Variants in HS6ST2 observed in about 807,000 individuals in gnomAD.
HS6ST2 encodes heparan sulfate 6-O-sulfotransferase 2.
In HS6ST2, 17 loss-of-function variants were observed where a neutral mutation model predicts 33.0. The ratio of observed to expected loss-of-function variants is 0.52; its 90% CI spans 0.35 to 0.77. The LOEUF (loss-of-function observed/expected upper bound fraction) is 0.77. Ranked by LOEUF, HS6ST2 falls within the 30% of genes least tolerant of loss-of-function variation. The pLI is 0.01. For missense variants in HS6ST2, 519 were observed against 551.7 expected (o/e 0.94, Z 0.59); for synonymous variants, 248 against 237.1 (o/e 1.05, Z -0.42).
chrX:132,948,489 T>C (rs1325080385), intron 2 of HS6ST2, among the ~76,000 whole-genome samples: 1 of 112,251 alleles, frequency 8.9e-6, no homozygotes, highest in African/African-American at 3.2e-5. Flanking sequence ...TATATTTGAA[T>C]ATTTATAATA....
At chrX:132,807,240 C>G (rs1258594137) in intron 2 of HS6ST2, among the ~76,000 whole-genome samples, 1 of 110,405 alleles carries the variant, frequency 9.1e-6, no homozygotes, top group Admixed American at 9.6e-5. Flanking sequence ...ATGTGAAATC[C>G]TGTCCCAGGA....
At chrX:132,726,613 T>C (rs1190269944) in intron 2 of HS6ST2, among the ~76,000 whole-genome samples, 1 of 112,296 alleles carries the variant, frequency 8.9e-6, no homozygotes, top group Non-Finnish European at 1.9e-5. Context: ...TTTCTGAACA[T>C]CTTCAGTCAC....
chrX:132,912,094 T>C (rs760278677), intron 2 of HS6ST2, among the ~76,000 whole-genome samples: 1 of 112,359 alleles, frequency 8.9e-6, no homozygotes, highest in African/African-American at 3.2e-5. Flanking sequence ...TCCTCTTGAG[T>C]CTCCTGACCC....
chrX:132,700,798 C>T (rs188871950), intron 3 of HS6ST2, among the ~76,000 whole-genome samples: 1 of 110,396 alleles, frequency 9.1e-6, no homozygotes, highest in East Asian at 2.9e-4. Flanking sequence ...AATATGGATC[C>T]CCAGTCTATA....
chrX:132,664,489 C>G (rs758791207), intron 4 of HS6ST2, among the ~76,000 whole-genome samples: 1 of 111,729 alleles, frequency 9.0e-6, no homozygotes, highest in Non-Finnish European at 1.9e-5. Context: ...CAGGTTAGAG[C>G]CGGTCTTACC....
chrX:132,899,667 G>A (rs1281451003), intron 2 of HS6ST2, among the ~76,000 whole-genome samples: 1 of 111,543 alleles, frequency 9.0e-6, no homozygotes, highest in Non-Finnish European at 1.9e-5. Flanking sequence ...AGGGTTCAAT[G>A]AAGTACCAAA....
intron 4 of HS6ST2, among the ~76,000 whole-genome samples, chrX:132,644,185 A>G (rs1226797394): frequency 9.4e-6 from 1 of 106,765 alleles, no homozygotes; most frequent in Non-Finnish European, 1.9e-5. Context: ...GAGAGAAAGG[A>G]CAGAAAGAGG....
chrX:132,958,626 T>A lies in HS6ST2; in HGVS notation c.-24A>T. On this transcript the variant is annotated 5_prime_UTR_variant, in exon 1 of 5. Transcript: ENST00000370833. ...ATTCCCCCCTTCAGGCAACTCAGGGTACTAAGGATCACGAGCGAGCTTGAA... is the reference window on the plus strand; with the variant it reads ...ATTCCCCCCTTCAGGCAACTCAGGGAACTAAGGATCACGAGCGAGCTTGAA... 1 of 1,129,440 alleles carries A rather than the reference T, an allele frequency of 8.9e-7. No homozygotes were observed. 93.1% of individuals were successfully genotyped at this position (1,129,440 alleles called of 1,213,427 possible). A position where few individuals can be genotyped will look rare whatever the true frequency, so the allele number is the denominator to read the frequency against.
intron 4 of HS6ST2, among the ~76,000 whole-genome samples, chrX:132,660,358 C>T (rs1298394335): frequency 3.6e-5 from 4 of 111,020 alleles, no homozygotes; most frequent in East Asian, 2.8e-4. Context: ...GGTAACCTTC[C>T]GAGGGCAATG....
intron 2 of HS6ST2, among the ~76,000 whole-genome samples, chrX:132,927,625 A>C (rs1012520223): frequency 9.0e-6 from 1 of 111,367 alleles, no homozygotes; most frequent in Non-Finnish European, 1.9e-5. Context: ...ACTGCATTGG[A>C]CCATACTTGC....
intron 2 of HS6ST2, among the ~76,000 whole-genome samples, chrX:132,869,626 A>C (rs1305553199): frequency 8.9e-6 from 1 of 112,248 alleles, no homozygotes; most frequent in Non-Finnish European, 1.9e-5. Context: ...GCAAATCAAT[A>C]AACGTAATCC....
chrX:132,653,374 G>A (rs1432781248), intron 4 of HS6ST2, among the ~76,000 whole-genome samples: 1 of 112,262 alleles, frequency 8.9e-6, no homozygotes, highest in Non-Finnish European at 1.9e-5. Context: ...CTTGGGAGAT[G>A]TGAATTACTT....
chrX:132,825,404 T>C (rs1288025348), intron 2 of HS6ST2, among the ~76,000 whole-genome samples: 1 of 111,602 alleles, frequency 9.0e-6, no homozygotes, highest in Admixed American at 9.5e-5. Context: ...AAATTCTCTG[T>C]CCTATGTTGA....
At chrX:132,920,192 C>T (rs768666811) in intron 2 of HS6ST2, among the ~76,000 whole-genome samples, 7 of 110,681 alleles carry the variant, frequency 6.3e-5, no homozygotes, top group Non-Finnish European at 1.1e-4. Flanking sequence ...GATAGGATGC[C>T]TTCCTCTTCT....
At chrX:132,846,694 G>A (rs1320005331) in intron 2 of HS6ST2, among the ~76,000 whole-genome samples, 2 of 110,793 alleles carry the variant, frequency 1.8e-5, no homozygotes, top group Admixed American at 1.9e-4. Flanking sequence ...CCTACCCCAT[G>A]CTCTTATGAG....
intron 2 of HS6ST2, among the ~76,000 whole-genome samples, chrX:132,832,026 A>G (rs1424442067): frequency 9.0e-6 from 1 of 111,721 alleles, no homozygotes; most frequent in African/African-American, 3.2e-5. Context: ...ACAAAGGATA[A>G]TAATAAATTA....
At chrX:132,779,817 A>C (rs1437696690) in intron 2 of HS6ST2, among the ~76,000 whole-genome samples, 1 of 110,918 alleles carries the variant, frequency 9.0e-6, no homozygotes, top group Non-Finnish European at 1.9e-5. Context: ...TACCCTTACT[A>C]TTGCCAGTTT....
intron 2 of HS6ST2, among the ~76,000 whole-genome samples, chrX:132,825,069 A>T (rs2065503766): frequency 8.9e-6 from 1 of 112,143 alleles, no homozygotes; most frequent in South Asian, 3.7e-4. Flanking sequence ...ACACTAGCAT[A>T]GCTCATTGGG....
At chrX:132,831,403 T>A (rs976094806) in intron 2 of HS6ST2, among the ~76,000 whole-genome samples, 2 of 111,380 alleles carry the variant, frequency 1.8e-5, no homozygotes, top group African/African-American at 6.5e-5. Context: ...CCAGAATTTC[T>A]GGTACAAAAT....
Sources: allele counts gnomAD v4.1 joint callset (sites outside exome capture counted in the v4.1 genomes callset), GRCh38; gene constraint gnomAD v4.1.1; transcripts MANE v1.5; gene names NCBI Gene and HGNC (gene_info 2026-07-23, HGNC 2026-07-21).